The following DIP2C variants were observed in gnomAD, a reference collection of about 807,000 sequenced individuals.
DIP2C encodes DIP2 acetate--CoA ligase C (putative), also known as disco-interacting protein 2 homolog C.
DIP2C carries 33 observed loss-of-function variants against 192.4 expected under a neutral mutation model. The ratio of observed to expected loss-of-function variants is 0.17; its 90% CI spans 0.13 to 0.23. The LOEUF is 0.23. Among genes scored for constraint, DIP2C ranks in the 10% least tolerant of loss-of-function variants. The pLI is 1.00. For missense variants in DIP2C, 1,537 were observed against 2,110.1 expected (o/e 0.73, Z 5.32); for synonymous variants, 979 against 864.1 (o/e 1.13, Z -2.33).
At chr10:607,727 C>A (rs1442188931) in intron 1 of DIP2C, among the ~76,000 whole-genome samples, 1 of 152,094 alleles carries the variant, frequency 6.6e-6, no homozygotes, top group Non-Finnish European at 1.5e-5. Context: ...ACATTGTGAG[C>A]CAGAGACCAT....
At chr10:451,620 T>A (rs1968856393) in intron 3 of DIP2C, among the ~76,000 whole-genome samples, 1 of 152,200 alleles carries the variant, frequency 6.6e-6, no homozygotes, top group Non-Finnish European at 1.5e-5. Context: ...AAGAACTACA[T>A]CAAAATATTA....
intron 1 of DIP2C, among the ~76,000 whole-genome samples, chr10:529,998 C>A (rs150864755): frequency 1.3e-5 from 2 of 152,244 alleles, no homozygotes; most frequent in African/African-American, 4.8e-5. Context: ...TCTGCCTGGA[C>A]GTCCACCTTG....
intron 1 of DIP2C, among the ~76,000 whole-genome samples, chr10:559,931 T>TC (rs903074683): frequency 4.6e-5 from 7 of 151,760 alleles, no homozygotes; most frequent in Non-Finnish European, 1.0e-4. Flanking sequence ...AGGTGTTCCT[T>TC]CCCCTTGATG....
intron 14 of DIP2C, among the ~76,000 whole-genome samples, chr10:387,427 C>T (rs1963046439): frequency 6.6e-6 from 1 of 152,094 alleles, no homozygotes; most frequent in South Asian, 2.1e-4. Flanking sequence ...TATTCCTACA[C>T]CCAGCACACT....
At chr10:574,069 C>T (rs1245614048) in intron 1 of DIP2C, among the ~76,000 whole-genome samples, 2 of 152,216 alleles carry the variant, frequency 1.3e-5, no homozygotes, top group South Asian at 2.1e-4. Context: ...AACTGCATAG[C>T]AGATTTTAAA....
At chr10:599,161 G>A (rs971127078) in intron 1 of DIP2C, among the ~76,000 whole-genome samples, 3 of 152,126 alleles carry the variant, frequency 2.0e-5, no homozygotes, top group Non-Finnish European at 4.4e-5. Flanking sequence ...AGGGAGGAGG[G>A]CAGAATAATG....
Position 433,082 on chromosome 10 carries a change from T to C in DIP2C, c.394+7789A>G, listed in dbSNP as rs186498125. ...TTCAGCATTCTGTTGTTGGAGGAAA[T>C]AGTCTATAAATGTCAATTATATACA... On this transcript the variant is annotated intron_variant, in intron 4 of 36. Coordinates refer to ENST00000280886, the MANE Select transcript of DIP2C (RefSeq NM_014974.3). 3.6e-4 allele frequency among the ~76,000 whole-genome samples: 55 copies of C among 152,314 alleles called. No individual in the cohort carries two copies. The East Asian group carries it at 0.01, about 28-fold the overall frequency.
intron 1 of DIP2C, among the ~76,000 whole-genome samples, chr10:585,327 G>A (rs1388528539): frequency 1.3e-5 from 2 of 152,216 alleles, no homozygotes; most frequent in African/African-American, 4.8e-5. Flanking sequence ...GCTGACAGGA[G>A]GCCTCTCTCC....
At chr10:407,991 T>C (rs1326235391) in intron 9 of DIP2C, among the ~76,000 whole-genome samples, 1 of 152,214 alleles carries the variant, frequency 6.6e-6, no homozygotes, top group East Asian at 1.9e-4. Context: ...CAAGAAACTG[T>C]TGCCAAATCC....
intron 1 of DIP2C, chr10:663,399 T>C: frequency 6.5e-6 from 1 of 153,374 alleles, no homozygotes; most frequent in Middle Eastern, 3.3e-3. Flanking sequence ...AGCACTTCCC[T>C]GACTAAAAGT....
chr10:482,525 G>A (rs1843681863), intron 2 of DIP2C, among the ~76,000 whole-genome samples: 1 of 152,182 alleles, frequency 6.6e-6, no homozygotes, highest in South Asian at 2.1e-4. Flanking sequence ...ACTTGCACCT[G>A]GGCATCAAGC....
rs148896110 is a variant in DIP2C at position 624,087 on chromosome 10, G to A, written c.85+65407C>T. ...GGACCCGCCCTGAGCCCCTGAGTGC[G>A]AGGACTCGGGAACTGCCCAGCCCAA... is the stretch of plus-strand genomic sequence containing the variant. On this transcript the variant is annotated intron_variant, in intron 1 of 36. Coordinates refer to ENST00000280886, the MANE Select transcript of DIP2C (RefSeq NM_014974.3). Among the ~76,000 whole-genome samples, 1,261 of 152,338 alleles carry A rather than the reference G, an allele frequency of 8.3e-3. 7 individuals carry two copies. The highest frequency in any genetic ancestry group is 0.013 in the Non-Finnish European group (852 of 68,018).
Position 364,337 on chromosome 10 carries a change from C to G in DIP2C, c.2477+37G>C, listed in dbSNP as rs368587813. On this transcript the variant is annotated intron_variant, in intron 20 of 36. Transcript: ENST00000280886. ...AAACCACATAAAAAATATGGCCGAC[C>G]GGAAACCATATGCTTGATTTGCAGA... 5 of 1,585,474 alleles carry G rather than the reference C, an allele frequency of 3.2e-6. No individual in the cohort carries two copies. In the South Asian group the frequency reaches 5.6e-5, roughly 18 times the overall value.
intron 1 of DIP2C, among the ~76,000 whole-genome samples, chr10:604,751 A>G (rs1396124700): frequency 6.6e-6 from 1 of 152,206 alleles, no homozygotes; most frequent in Non-Finnish European, 1.5e-5. Flanking sequence ...TATATTAAAG[A>G]AAAAAGACAA....
At chr10:566,724 G>A (rs1415143963) in intron 1 of DIP2C, among the ~76,000 whole-genome samples, 1 of 152,230 alleles carries the variant, frequency 6.6e-6, no homozygotes, top group Non-Finnish European at 1.5e-5. Flanking sequence ...GCCTCTGAGG[G>A]TCCCAAGCAG....
At chr10:454,691 G>A (rs1224109435) in intron 3 of DIP2C, among the ~76,000 whole-genome samples, 1 of 151,606 alleles carries the variant, frequency 6.6e-6, no homozygotes, top group Non-Finnish European at 1.5e-5. Flanking sequence ...ATTGCAATGA[G>A]ATACTCAGGG....
intron 1 of DIP2C, chr10:650,136 A>AC (rs1378883513): frequency 2.8e-6 from 2 of 716,778 alleles, no homozygotes; most frequent in Non-Finnish European, 5.2e-6. Context: ...TGGGACAAGG[A>AC]CCCCCCAGGA....
At position 615,818 on chromosome 10, in the gene DIP2C, T is replaced by C. The variant is rs114401094; in HGVS notation, c.85+73676A>G. On this transcript the variant is annotated intron_variant, in intron 1 of 36. Coordinates refer to ENST00000280886, the MANE Select transcript of DIP2C (RefSeq NM_014974.3). The stretch of plus-strand genomic sequence containing the variant: ...GAGATTACACTCCTCCAAACAGACA[T>C]TGCGCCTGTGTCACTTCACCCAAAA... Among the ~76,000 whole-genome samples, 1,231 of 152,268 alleles carry C rather than the reference T, an allele frequency of 8.1e-3. 11 individuals are homozygous for C. Among genetic ancestry groups the C allele is most frequent in the African/African-American group, 0.028 (1,157 of 41,550 alleles).
At chr10:309,872 C>T (rs1032951662) in intron 32 of DIP2C, among the ~76,000 whole-genome samples, 159 bp downstream of exon 32, 1 of 152,098 alleles carries the variant, frequency 6.6e-6, no homozygotes, top group African/African-American at 2.4e-5. Context: ...TTGCAAAGTT[C>T]AAGCCAATGC....
Sources: allele counts gnomAD v4.1 joint callset (sites outside exome capture counted in the v4.1 genomes callset), GRCh38; gene constraint gnomAD v4.1.1; transcripts MANE v1.5; gene names NCBI Gene and HGNC (gene_info 2026-07-23, HGNC 2026-07-21).